The following ITGA2 variants were observed in gnomAD, a reference collection of about 807,000 sequenced individuals.
ITGA2 encodes integrin alpha-2.
ITGA2 carries 101 observed loss-of-function variants against 146.3 expected under a neutral mutation model. The ratio of observed to expected loss-of-function variants is 0.69; its 90% CI spans 0.59 to 0.81. The LOEUF (loss-of-function observed/expected upper bound fraction) is 0.81, where lower values mean the gene tolerates loss of function less well. ITGA2 is among the 40% of genes least tolerant of loss of function. ITGA2 has a pLI of 0.00. For synonymous variants in ITGA2, 477 were observed against 487.1 expected (o/e 0.98, Z 0.27); for missense variants, 1,281 against 1,402.7 (o/e 0.91, Z 1.39).
At position 53,060,962 on chromosome 5, in the gene ITGA2, G is replaced by A. The variant is rs202096262; in HGVS notation, c.1374G>A (p.Arg458=). 2 of 1,612,482 alleles carry A rather than the reference G, an allele frequency of 1.2e-6. No homozygotes were observed. Among genetic ancestry groups the A allele is most frequent in the Non-Finnish European group, 1.7e-6 (2 of 1,178,996 alleles). The change falls in exon 12 of 30, where the codon CGG becomes CGA. Residue 458 remains arginine (R), a synonymous_variant. Transcript: ENST00000296585. The stretch of plus-strand genomic sequence containing the variant: ...CTCACTTTGTTGCTGGTGCTCCTCG[G>A]GCAAATTATACCGGCCAGATAGTGC... ...ESTHFVAGAP[R]ANYTGQIVLY... is the part of the protein sequence containing the mutation.
intron 1 of ITGA2, among the ~76,000 whole-genome samples, chr5:53,012,736 CT>C (rs1329815147): frequency 2.6e-5 from 4 of 152,032 alleles, no homozygotes; most frequent in Non-Finnish European, 5.9e-5. Flanking sequence ...TAAGTGATCC[CT>C]TTTCTCTACA....
chr5:53,054,578 G>T (rs553935501), intron 7 of ITGA2, among the ~76,000 whole-genome samples: 58 of 152,120 alleles, frequency 3.8e-4, no homozygotes, highest in African/African-American at 1.4e-3. Context: ...CAATAATGGG[G>T]AACCGGTTAA....
Position 53,042,272 on chromosome 5 carries a change from A to G in ITGA2, c.295+51A>G, listed in dbSNP as rs759633493. Reference sequence around the variant, plus strand: ...ATGTGATTTGTCTTAGACTCAACTGAAAAATAACATCAGAACAATCATTGT... The same window carrying G: ...ATGTGATTTGTCTTAGACTCAACTGGAAAATAACATCAGAACAATCATTGT... On this transcript the variant is annotated intron_variant, in intron 3 of 29. Coordinates refer to ENST00000296585, the MANE Select transcript of ITGA2 (RefSeq NM_002203.4). 5.5e-6 allele frequency: 6 copies of G among 1,085,798 alleles called. No individual in the cohort carries two copies. The East Asian group carries it at 1.4e-4, about 26-fold the overall frequency. 67.3% of individuals were successfully genotyped at this position (1,085,798 alleles called of 1,614,324 possible). A position where few individuals can be genotyped will look rare whatever the true frequency, so the allele number is the denominator to read the frequency against.
intron 1 of ITGA2, among the ~76,000 whole-genome samples, chr5:52,995,698 A>T (rs149582752): frequency 5.9e-5 from 9 of 152,210 alleles, no homozygotes; most frequent in African/African-American, 2.2e-4. Flanking sequence ...GCAAATAGTT[A>T]TATGTAGTGG....
At position 53,065,884 on chromosome 5, in the gene ITGA2, A is replaced by G; in HGVS notation, c.1850A>G (p.Tyr617Cys). ...SDGAFRSHLQ[Y>C]FGRSLDGYGD... ...GGAGCCTTTAGGAGCCATCTCCAGT[A>G]CTTTGGGAGGTCCTTGGATGGCTAT... Residue 617 changes from tyrosine to cysteine, a missense_variant, in exon 15 of 30, where the codon TAC becomes TGC. Tyr to Cys is a radical substitution (Grantham distance 194). This residue lies in a region of ITGA2 where 795 missense variants were observed against 841.7 expected (regional missense o/e 0.94). Transcript: ENST00000296585. 1 of 1,612,084 alleles carries G rather than the reference A, an allele frequency of 6.2e-7. No individual in the cohort carries two copies. The highest frequency in any genetic ancestry group is 8.5e-7 in the Non-Finnish European group (1 of 1,178,732).
At chr5:53,017,220 T>G (rs1018005427) in intron 1 of ITGA2, among the ~76,000 whole-genome samples, 1 of 152,240 alleles carries the variant, frequency 6.6e-6, no homozygotes, top group African/African-American at 2.4e-5. Context: ...TGGGCTGATA[T>G]TCCTTCAGTC....
chr5:53,090,494 CA>C (rs1740358803), intron 29 of ITGA2, 24 bp from the exon 30 acceptor site: 1 of 1,606,660 alleles, frequency 6.2e-7, no homozygotes, highest in East Asian at 2.2e-5. Flanking sequence ...CGGGTGGTAA[CA>C]TTCTTATATC....
At chr5:53,023,889 TAAGAGAAA>T (rs759889375) in intron 1 of ITGA2, among the ~76,000 whole-genome samples, 102 of 152,224 alleles carry the variant, frequency 6.7e-4, no homozygotes, top group Non-Finnish European at 1.1e-3. Flanking sequence ...AAATACATAT[TAAGAGAAA>T]AAGTATAGAG....
chr5:53,038,145 C>A (rs1176750276), intron 2 of ITGA2, among the ~76,000 whole-genome samples: 3 of 150,078 alleles, frequency 2.0e-5, no homozygotes, highest in Non-Finnish European at 3.0e-5. Flanking sequence ...GAGAAAAAAA[C>A]CAAACAGTCT....
intron 9 of ITGA2, among the ~76,000 whole-genome samples, chr5:53,056,444 A>G (rs1413365278): frequency 6.6e-6 from 1 of 152,038 alleles, no homozygotes; most frequent in Non-Finnish European, 1.5e-5. Flanking sequence ...AAGATGACAC[A>G]GAATAATAAT....
chr5:53,016,020 G>A (rs775649109), intron 1 of ITGA2, among the ~76,000 whole-genome samples: 3 of 152,098 alleles, frequency 2.0e-5, no homozygotes, highest in Non-Finnish European at 2.9e-5. Context: ...GCATACACTC[G>A]GGTCTTGCTT....
At chr5:53,087,343 GTCTCT>G (rs1176183116) in intron 28 of ITGA2, among the ~76,000 whole-genome samples, 1 of 152,120 alleles carries the variant, frequency 6.6e-6, no homozygotes, top group Non-Finnish European at 1.5e-5. Flanking sequence ...ACTCCATGGT[GTCTCT>G]TCTCATGACT....
chr5:53,049,884 T>A (rs1018239610), intron 6 of ITGA2, among the ~76,000 whole-genome samples: 1 of 152,230 alleles, frequency 6.6e-6, no homozygotes, highest in African/African-American at 2.4e-5. Context: ...GCTTTCCAGC[T>A]ATCTTTATTG....
intron 24 of ITGA2, among the ~76,000 whole-genome samples, chr5:53,080,298 G>A (rs976395893): frequency 2.6e-5 from 4 of 152,052 alleles, no homozygotes; most frequent in Admixed American, 6.6e-5. Context: ...AGGTATGATC[G>A]AAATTTCAAA....
In ITGA2 at chr5:53,039,739, CAAAA is replaced by C. The variant is rs1175067104; in HGVS notation, c.186-2351_186-2348del. Among the ~76,000 whole-genome samples the C allele has an allele frequency of 6.3e-4, 21 of 33,278 alleles. 1 individual carries two copies. The highest frequency in any genetic ancestry group is 2.2e-3 in the African/African-American group (17 of 7,598). 21.8% of individuals were successfully genotyped at this position (33,278 alleles called of 152,430 possible). A position where few individuals can be genotyped will look rare whatever the true frequency, so the allele number is the denominator to read the frequency against. On this transcript the variant is annotated intron_variant, in intron 2 of 29. Transcript: ENST00000296585. Reference sequence around the variant, plus strand: ...TAGGCAACAGAGTGAGACTCCATCTCAAAAAAAAAAAAAAAAAAAAAAAAAGTAA... The same window carrying C: ...TAGGCAACAGAGTGAGACTCCATCTCAAAAAAAAAAAAAAAAAAAAAGTAA...
intron 1 of ITGA2, among the ~76,000 whole-genome samples, chr5:53,014,147 C>T (rs3212406): frequency 1.3e-5 from 2 of 151,994 alleles, no homozygotes; most frequent in Admixed American, 1.3e-4. Context: ...ATAAATAGGA[C>T]TGGTGAGGGT....
chr5:53,090,770 G>T lies in ITGA2; in HGVS notation c.*171G>T, dbSNP rs576470386. 8.5e-6 allele frequency: 5 copies of T among 586,734 alleles called. No homozygotes were observed. The highest frequency in any genetic ancestry group is 4.0e-5 in the South Asian group (2 of 49,758). The allele number at this position is 586,734 out of a possible 1,614,324, so 36.3% of individuals were successfully genotyped here. On this transcript the variant is annotated 3_prime_UTR_variant, in exon 30 of 30. Coordinates refer to ENST00000296585, the MANE Select transcript of ITGA2 (RefSeq NM_002203.4). ...AGTTTGGAATGAAGAAATTGTGGGG[G>T]GTGGGGGAGGTGCGGGGGGCAGGTA...
chr5:52,991,130 A>G (rs972587739), intron 1 of ITGA2, among the ~76,000 whole-genome samples: 6 of 152,186 alleles, frequency 3.9e-5, no homozygotes, highest in African/African-American at 1.4e-4. Context: ...CAGGGCAAGC[A>G]AGCAGAGATG....
At chr5:53,061,996 G>A (rs548421441) in intron 12 of ITGA2, among the ~76,000 whole-genome samples, 163 of 151,908 alleles carry the variant, frequency 1.1e-3, no homozygotes, top group Non-Finnish European at 5.9e-5. Flanking sequence ...TGTTATGGAA[G>A]GAATCATTTC....
Sources: allele counts gnomAD v4.1 joint callset (sites outside exome capture counted in the v4.1 genomes callset), GRCh38; gene constraint gnomAD v4.1.1; regional missense constraint gnomAD v4.1.1; transcripts MANE v1.5; gene names NCBI Gene and HGNC (gene_info 2026-07-23, HGNC 2026-07-21).